The following FAM210A variants were observed in gnomAD, a reference collection of about 807,000 sequenced individuals.
The protein encoded by FAM210A is mitochondrial inner membrane scaffold 1.
A neutral mutation model predicts 25.3 loss-of-function variants in FAM210A; 13 were observed. The observed-to-expected ratio is 0.51, with a 90% CI of 0.33 to 0.82. The LOEUF (loss-of-function observed/expected upper bound fraction) is 0.82, where lower values mean the gene tolerates loss of function less well. Ranked by LOEUF, FAM210A falls within the 40% of genes least tolerant of loss-of-function variation. The pLI, the probability that FAM210A is intolerant of heterozygous loss-of-function variation, is 0.02. For missense variants in FAM210A, 319 were observed against 323.2 expected, an observed-to-expected ratio of 0.99 and a Z score of 0.10; for synonymous variants, 125 against 118.7, an observed-to-expected ratio of 1.05 and a Z score of -0.35.
chr18:13,686,631 G>A (rs2043599268), intron 1 of FAM210A, among the ~76,000 whole-genome samples: 1 of 152,120 alleles, frequency 6.6e-6, no homozygotes, highest in South Asian at 2.1e-4. Context: ...GCTTCAGCTT[G>A]TTTCAGGTTG....
chr18:13,692,827 A>G (rs1432966821), intron 1 of FAM210A, among the ~76,000 whole-genome samples: 2 of 152,224 alleles, frequency 1.3e-5, no homozygotes, highest in Non-Finnish European at 2.9e-5. Context: ...TAACATCACA[A>G]TTAAAAGAAC....
chr18:13,674,092 T>C (rs878899642), intron 2 of FAM210A, among the ~76,000 whole-genome samples: 2 of 142,946 alleles, frequency 1.4e-5, no homozygotes, highest in East Asian at 2.0e-4. Context: ...GAGCCCTGGC[T>C]TCTTTATTTC....
intron 2 of FAM210A, among the ~76,000 whole-genome samples, chr18:13,673,373 G>T (rs2043460069): frequency 7.1e-6 from 1 of 139,924 alleles, no homozygotes; most frequent in African/African-American, 2.8e-5. Context: ...ACATTCCTGA[G>T]CCCCGACTTC....
At position 13,688,830 on chromosome 18, in the gene FAM210A, G is replaced by A. The variant is rs544043586; in HGVS notation, c.-28-6725C>T. 2.0e-3 allele frequency among the ~76,000 whole-genome samples: 302 copies of A among 152,352 alleles called. 3 individuals are homozygous for A. Among genetic ancestry groups the A allele is most frequent in the Non-Finnish European group, 3.8e-3 (260 of 68,030 alleles). ...CTACCACATGGCCTGCACGGAGTTC[G>A]CTCCAGCTGGTGCTAAAGCAGCCGG... On this transcript the variant is annotated intron_variant, in intron 1 of 3. Transcript: ENST00000651643.
chr18:13,704,211 A>ATAAGAAGGCATGGGAGTG (rs2043761327), intron 1 of FAM210A, among the ~76,000 whole-genome samples: 1 of 152,220 alleles, frequency 6.6e-6, no homozygotes, highest in Admixed American at 6.5e-5. Flanking sequence ...ATAAAAGATT[A>ATAAGAAGGCATGGGAGTG]TAAGAAGGCA....
intron 1 of FAM210A, among the ~76,000 whole-genome samples, chr18:13,698,089 A>G (rs1451527995): frequency 6.6e-6 from 1 of 152,138 alleles, no homozygotes; most frequent in African/African-American, 2.4e-5. Flanking sequence ...GTGGTGGCTC[A>G]CGCCTGTAAT....
At chr18:13,713,725 A>AACACACACACACACACAC (rs55691136) in intron 1 of FAM210A, among the ~76,000 whole-genome samples, 19,801 of 141,742 alleles carry the variant, frequency 0.14, 1,572 homozygotes, top group Non-Finnish European at 0.17. Context: ...GTCACTATAA[A>AACACACACACACACACAC]ACACACACAC....
chr18:13,681,756 T>C lies in FAM210A; in HGVS notation c.322A>G (p.Lys108Glu), dbSNP rs1314411165. 3.7e-6 allele frequency: 6 copies of C among 1,614,104 alleles called. No individual in the cohort carries two copies. Among genetic ancestry groups the C allele is most frequent in the Non-Finnish European group, 4.2e-6 (5 of 1,180,048 alleles). Residue 108 changes from lysine (K) to glutamate (E), a missense_variant, in exon 2 of 4, where the codon AAA (lysine) becomes GAA (glutamate). Transcript: ENST00000651643. The stretch of plus-strand genomic sequence containing the variant: ...TGCAAAGGATCAGGCTCTTCCTTTT[T>C]TTCCGGAGTTCCCTGAGCTGTGGCA... ...SSATAQGTPE[K>E]KEEPDPLQDK...
chr18:13,691,180 A>G (rs561745755), intron 1 of FAM210A, among the ~76,000 whole-genome samples: 20 of 152,242 alleles, frequency 1.3e-4, no homozygotes, highest in Non-Finnish European at 2.4e-4. Context: ...AATGAATGAA[A>G]TGAAGCAAGA....
At position 13,705,492 on chromosome 18, in the gene FAM210A, G is replaced by A. The variant is rs181011778; in HGVS notation, c.-29+20837C>T. On this transcript the variant is annotated intron_variant, in intron 1 of 3. Transcript: ENST00000651643. ...TAAAATAATTTTTTTTTCTTTTTAA[G>A]ACAGAGTCTCACTCTGTCACCCAGG... Among the ~76,000 whole-genome samples, 834 of 151,870 alleles carry A rather than the reference G, an allele frequency of 5.5e-3. 10 individuals carry two copies. Among genetic ancestry groups the A allele is most frequent in the Non-Finnish European group, 7.1e-3 (485 of 67,964 alleles).
rs375054096 is a variant in FAM210A at position 13,704,191 on chromosome 18, T to C, written c.-28-22086A>G. Among the ~76,000 whole-genome samples the C allele has an allele frequency of 2.6e-5, 4 of 152,270 alleles. No individual in the cohort carries two copies. The East Asian group carries it at 7.7e-4, about 29-fold the overall frequency. ...TGCAAGGCGTGTGAGGAAAGTGAAA[T>C]GTGTTTTTGATAAAAGATTATAAGA... On this transcript the variant is annotated intron_variant, in intron 1 of 3. Transcript: ENST00000651643.
chr18:13,675,839 A>C (rs200710712), intron 2 of FAM210A, among the ~76,000 whole-genome samples: 2 of 4,972 alleles, frequency 4.0e-4, no homozygotes, highest in Non-Finnish European at 9.4e-4. Flanking sequence ...TCCTGAGCCC[A>C]GGCTTCTTTA....
chr18:13,666,808 C>T, intron 3 of FAM210A, 95 bp from the exon 4 acceptor site: 1 of 1,121,264 alleles, frequency 8.9e-7, no homozygotes, highest in South Asian at 1.5e-5. Flanking sequence ...GGTAATAACC[C>T]ATCAGAATAA....
chr18:13,681,554 A>T, intron 2 of FAM210A, 51 bp downstream of exon 2: 2 of 1,394,112 alleles, frequency 1.4e-6, no homozygotes, highest in Non-Finnish European at 2.0e-6. Context: ...AATTAAAAAG[A>T]TTAATATTCT....
intron 1 of FAM210A, among the ~76,000 whole-genome samples, chr18:13,722,004 C>T (rs1013944642): frequency 2.6e-5 from 4 of 152,154 alleles, no homozygotes; most frequent in African/African-American, 9.7e-5. Flanking sequence ...TCCCCTCAGT[C>T]AGGGGGTTCT....
At chr18:13,689,119 T>C (rs930064881) in intron 1 of FAM210A, among the ~76,000 whole-genome samples, 3 of 152,238 alleles carry the variant, frequency 2.0e-5, no homozygotes, top group African/African-American at 7.2e-5. Context: ...CTCTGTCCCC[T>C]TTTCCTTCAG....
rs578041409 is a variant in FAM210A at position 13,665,787 on chromosome 18, C to T, written c.*693G>A. The stretch of plus-strand genomic sequence containing the variant: ...GTTTGAGGTGATCACCACTAATACA[C>T]ACTTTGAAAAGTACCATCACCATAT... On this transcript the variant is annotated 3_prime_UTR_variant, in exon 4 of 4. Transcript: ENST00000651643. 10 of 152,170 alleles carry T rather than the reference C, an allele frequency of 6.6e-5. No individual in the cohort carries two copies. Among genetic ancestry groups the T allele is most frequent in the Non-Finnish European group, 1.3e-4 (9 of 68,040 alleles). 9.4% of individuals were successfully genotyped at this position (152,170 alleles called of 1,614,324 possible).
chr18:13,667,029 T>C (rs1199004392), intron 3 of FAM210A, among the ~76,000 whole-genome samples: 1 of 152,222 alleles, frequency 6.6e-6, no homozygotes, highest in Non-Finnish European at 1.5e-5. Context: ...GAGGACTCAG[T>C]ACCAGTAAAA....
At chr18:13,694,398 C>A in intron 1 of FAM210A, among the ~76,000 whole-genome samples, 1 of 152,160 alleles carries the variant, frequency 6.6e-6, no homozygotes, top group East Asian at 1.9e-4. Context: ...AAAAAGAGTC[C>A]GCATTGCTAA....
Sources: allele counts gnomAD v4.1 joint callset (sites outside exome capture counted in the v4.1 genomes callset), GRCh38; gene constraint gnomAD v4.1.1; transcripts MANE v1.5; gene names NCBI Gene and HGNC (gene_info 2026-07-23, HGNC 2026-07-21).